TOM1L2: variants seen among roughly 807,000 people sequenced by gnomAD.
TOM1L2 encodes TOM1-like protein 2.
Under a neutral mutation model 67.9 loss-of-function variants are expected in TOM1L2, and 31 were observed. The observed-to-expected ratio is 0.46, with a 90% CI of 0.34 to 0.62. The LOEUF is 0.62. Among genes scored for constraint, TOM1L2 ranks in the 20% least tolerant of loss-of-function variants. The pLI is 0.01. For missense variants in TOM1L2, 606 were observed against 663.5 expected, an observed-to-expected ratio of 0.91 and a Z score of 0.95; for synonymous variants, 256 against 254.0, an observed-to-expected ratio of 1.01 and a Z score of -0.07.
At chr17:17,880,291 G>A (rs937850826) in intron 6 of TOM1L2, among the ~76,000 whole-genome samples, 1 of 152,164 alleles carries the variant, frequency 6.6e-6, no homozygotes, top group African/African-American at 2.4e-5. Context: ...GAGAGAACAG[G>A]GGAAGACGAC....
chr17:17,912,309 C>CG (rs1232404297), intron 1 of TOM1L2, among the ~76,000 whole-genome samples: 1 of 149,896 alleles, frequency 6.7e-6, no homozygotes, highest in African/African-American at 2.5e-5. Flanking sequence ...CCCTCCCGGA[C>CG]GGGGTGGCTG....
chr17:17,873,958 ATT>A (rs570992376), intron 7 of TOM1L2, among the ~76,000 whole-genome samples: 18 of 141,140 alleles, frequency 1.3e-4, no homozygotes, highest in Admixed American at 1.4e-4. Context: ...TTACTTACTT[ATT>A]TTTTTTTTTT....
At position 17,847,608 on chromosome 17, in the gene TOM1L2, A is replaced by C. The variant is rs1340994438; in HGVS notation, c.*27T>G. On this transcript the variant is annotated 3_prime_UTR_variant, in exon 15 of 15. Transcript: ENST00000379504. ...CACGGGGTGCGAGCGGGGACCCGCC[A>C]TCTGGGGAGGCAAACCACAGAGCTG... 4 of 1,583,918 alleles carry C rather than the reference A, an allele frequency of 2.5e-6. No homozygotes were observed. Among genetic ancestry groups the C allele is most frequent in the Non-Finnish European group, 3.4e-6 (4 of 1,165,048 alleles).
At chr17:17,970,752 G>A (rs2042036530) in intron 1 of TOM1L2, among the ~76,000 whole-genome samples, 1 of 152,168 alleles carries the variant, frequency 6.6e-6, no homozygotes, top group South Asian at 2.1e-4. Context: ...TAAGTTTATA[G>A]GCTCCACTAA....
chr17:17,941,099 A>G (rs781385369), intron 1 of TOM1L2, among the ~76,000 whole-genome samples: 5 of 152,246 alleles, frequency 3.3e-5, no homozygotes, highest in African/African-American at 1.2e-4. Context: ...CCATTTCTCC[A>G]GTGAACAGGT....
intron 1 of TOM1L2, among the ~76,000 whole-genome samples, chr17:17,936,497 T>C (rs2040519759): frequency 6.6e-6 from 1 of 152,188 alleles, no homozygotes; most frequent in Admixed American, 6.5e-5. Context: ...GAATTTATTA[T>C]ATGTAAATAA....
At chr17:17,967,071 C>T (rs1271908992) in intron 1 of TOM1L2, among the ~76,000 whole-genome samples, 1 of 152,114 alleles carries the variant, frequency 6.6e-6, no homozygotes. Context: ...TAAACATCTA[C>T]CCTATTAGTT....
At chr17:17,896,387 G>A (rs2038571921) in intron 3 of TOM1L2, among the ~76,000 whole-genome samples, 1 of 152,118 alleles carries the variant, frequency 6.6e-6, no homozygotes. Flanking sequence ...GAGCAGCCTG[G>A]GGCTCCACTC....
chr17:17,940,372 C>T (rs112236478), intron 1 of TOM1L2, among the ~76,000 whole-genome samples: 2 of 152,026 alleles, frequency 1.3e-5, no homozygotes, highest in Non-Finnish European at 2.9e-5. Flanking sequence ...AATCATTTTA[C>T]AGATGAGGAA....
chr17:17,956,263 GAC>G (rs1208794211), intron 1 of TOM1L2, among the ~76,000 whole-genome samples: 1 of 152,202 alleles, frequency 6.6e-6, no homozygotes, highest in Non-Finnish European at 1.5e-5. Context: ...CCCTGAGCTA[GAC>G]ACAAAGATTC....
chr17:17,893,596 G>A, intron 4 of TOM1L2, 65 bp downstream of exon 4: 1 of 1,435,270 alleles, frequency 7.0e-7, no homozygotes, highest in Non-Finnish European at 9.6e-7. Context: ...GAGAGCATGA[G>A]GACTCATCAA....
chr17:17,898,820 C>T (rs531760494), intron 2 of TOM1L2, 146 bp from the exon 3 acceptor site: 3 of 734,240 alleles, frequency 4.1e-6, no homozygotes, highest in African/African-American at 3.5e-5. Flanking sequence ...AACTGAATGT[C>T]CATCAATACA....
At chr17:17,869,662 A>C (rs1207912475) in intron 7 of TOM1L2, 189 bp from the exon 8 acceptor site, 2 of 1,381,040 alleles carry the variant, frequency 1.4e-6, no homozygotes, top group East Asian at 2.6e-5. Context: ...TCCGCAGAGG[A>C]AACAAGTACT....
Position 17,971,768 on chromosome 17 carries a change from G to A in TOM1L2, c.52+494C>T, listed in dbSNP as rs915557831. 1.3e-5 allele frequency among the ~76,000 whole-genome samples: 2 copies of A among 152,370 alleles called. 1 individual carries two copies. The highest frequency in any genetic ancestry group is 4.1e-4 in the South Asian group (2 of 4,832). Reference sequence around the variant, plus strand: ...CACCACCTCTAGCAGCAAAAGGAAGGGCTGAGCCTTGATGGGCAGGGAAGC... The same window carrying A: ...CACCACCTCTAGCAGCAAAAGGAAGAGCTGAGCCTTGATGGGCAGGGAAGC... On this transcript the variant is annotated intron_variant, in intron 1 of 14. Transcript: ENST00000379504.
chr17:17,887,461 C>T (rs1288349956), intron 4 of TOM1L2, among the ~76,000 whole-genome samples: 2 of 152,180 alleles, frequency 1.3e-5, no homozygotes, highest in Non-Finnish European at 2.9e-5. Flanking sequence ...CCATGTGTCC[C>T]TAGCATCTTC....
chr17:17,877,776 A>T (rs2037494559), intron 7 of TOM1L2, among the ~76,000 whole-genome samples: 1 of 152,042 alleles, frequency 6.6e-6, no homozygotes, highest in South Asian at 2.1e-4. Context: ...GTTGGAACAA[A>T]ACAGAGGGAA....
chr17:17,972,194 C>T (rs2042135922), intron 1 of TOM1L2, 68 bp downstream of exon 1: 1 of 1,535,236 alleles, frequency 6.5e-7, no homozygotes, highest in Non-Finnish European at 8.8e-7. Context: ...CCGGCGGAGG[C>T]CCGCGGTCCT....
At chr17:17,878,061 C>T (rs567582593) in intron 7 of TOM1L2, among the ~76,000 whole-genome samples, 1 of 152,352 alleles carries the variant, frequency 6.6e-6, no homozygotes, top group Admixed American at 6.5e-5. Context: ...TGACACAGCA[C>T]AAAGCTGCCT....
intron 7 of TOM1L2, among the ~76,000 whole-genome samples, chr17:17,878,012 T>A (rs1220092658): frequency 6.6e-6 from 1 of 152,194 alleles, no homozygotes; most frequent in Non-Finnish European, 1.5e-5. Flanking sequence ...CACGGCTCTA[T>A]CCAGAGCAAA....
Sources: gnomAD v4.1 joint callset for allele counts (sites outside exome capture counted in the v4.1 genomes callset) on GRCh38, gnomAD v4.1.1 for gene constraint, MANE v1.5 for transcripts, NCBI Gene and HGNC (gene_info 2026-07-23, HGNC 2026-07-21) for gene names.